Variants in DENND1A observed in about 807,000 individuals in gnomAD.
The protein encoded by DENND1A is DENN domain-containing protein 1A.
In DENND1A, 51 loss-of-function variants were observed where a neutral mutation model predicts 113.7. That is an observed-to-expected ratio of 0.45 (90% CI 0.36 to 0.57). DENND1A has a LOEUF of 0.57. DENND1A is among the 20% of genes least tolerant of loss of function. The pLI is 0.00. For missense variants in DENND1A, 1,258 were observed against 1,395.9 expected, an observed-to-expected ratio of 0.90 and a Z score of 1.57; for synonymous variants, 565 against 570.8, an observed-to-expected ratio of 0.99 and a Z score of 0.14.
chr9:123,393,752 A>G (rs2042972830), intron 21 of DENND1A, among the ~76,000 whole-genome samples: 1 of 152,210 alleles, frequency 6.6e-6, no homozygotes, highest in South Asian at 2.1e-4. Flanking sequence ...GCAGGTGAAT[A>G]TCTACTTAAA....
intron 13 of DENND1A, among the ~76,000 whole-genome samples, chr9:123,503,683 T>C (rs2134301706): frequency 6.6e-6 from 1 of 152,356 alleles, no homozygotes; most frequent in Non-Finnish European, 1.5e-5. Context: ...TTTCTGATAC[T>C]ATGACATCCT....
chr9:123,516,832 T>A (rs184897307), intron 13 of DENND1A, among the ~76,000 whole-genome samples: 1 of 127,992 alleles, frequency 7.8e-6, no homozygotes, highest in African/African-American at 3.2e-5. Flanking sequence ...TGCAGTGAGT[T>A]GAGATCACAC....
chr9:123,388,911 C>G (rs1214526618), intron 21 of DENND1A, among the ~76,000 whole-genome samples: 1 of 152,206 alleles, frequency 6.6e-6, no homozygotes, highest in African/African-American at 2.4e-5. Flanking sequence ...CACCCCTGCC[C>G]CATTCTGTGG....
chr9:123,583,661 C>T (rs1002556346), intron 11 of DENND1A, among the ~76,000 whole-genome samples: 4 of 152,212 alleles, frequency 2.6e-5, no homozygotes, highest in Non-Finnish European at 4.4e-5. Flanking sequence ...TATCCCCATT[C>T]AATCCAGCCC....
At chr9:123,461,010 C>T (rs1028513590) in intron 13 of DENND1A, among the ~76,000 whole-genome samples, 16 of 152,216 alleles carry the variant, frequency 1.1e-4, no homozygotes, top group Non-Finnish European at 2.9e-5. Context: ...AACCAGCAAA[C>T]GCACCCTCCC....
intron 13 of DENND1A, among the ~76,000 whole-genome samples, chr9:123,509,099 G>T (rs919706881): frequency 6.6e-6 from 1 of 152,156 alleles, no homozygotes; most frequent in African/African-American, 2.4e-5. Flanking sequence ...TATACTAGGG[G>T]CACTGTCTTA....
At chr9:123,783,833 T>C (rs909167308) in intron 3 of DENND1A, among the ~76,000 whole-genome samples, 1 of 152,228 alleles carries the variant, frequency 6.6e-6, no homozygotes, top group Non-Finnish European at 1.5e-5. Flanking sequence ...CAAAGGGGTC[T>C]GTAACATTGG....
At chr9:123,841,731 G>A (rs1242443873) in intron 2 of DENND1A, among the ~76,000 whole-genome samples, 4 of 152,178 alleles carry the variant, frequency 2.6e-5, no homozygotes, top group Non-Finnish European at 5.9e-5. Context: ...AGGTGAGAAA[G>A]AGGTTTAGGA....
At chr9:123,533,196 T>C (rs1310573177) in intron 13 of DENND1A, among the ~76,000 whole-genome samples, 1 of 152,232 alleles carries the variant, frequency 6.6e-6, no homozygotes, top group African/African-American at 2.4e-5. Flanking sequence ...ACTAGCCACG[T>C]GGTCAGAGAG....
chr9:123,793,394 A>G (rs1321776434), intron 2 of DENND1A, among the ~76,000 whole-genome samples: 2 of 152,224 alleles, frequency 1.3e-5, no homozygotes, highest in Admixed American at 1.3e-4. Flanking sequence ...AGAAGTGAAC[A>G]AATTAAAAGC....
At chr9:123,624,302 A>G (rs547312087) in intron 10 of DENND1A, among the ~76,000 whole-genome samples, 1 of 152,322 alleles carries the variant, frequency 6.6e-6, no homozygotes, top group Non-Finnish European at 1.5e-5. Flanking sequence ...ATTAAACTCA[A>G]TGGTGGTGAA....
At chr9:123,855,909 T>C (rs2133212871) in intron 2 of DENND1A, among the ~76,000 whole-genome samples, 1 of 152,122 alleles carries the variant, frequency 6.6e-6, no homozygotes, top group South Asian at 2.1e-4. Context: ...TGGTGGCACA[T>C]GCCTGTAATC....
chr9:123,457,521 G>A (rs1239654376), intron 14 of DENND1A, 86 bp from the exon 15 acceptor site: 1 of 1,120,514 alleles, frequency 8.9e-7, no homozygotes, highest in East Asian at 2.4e-5. Context: ...CTGTATCCAA[G>A]GTAGGAGTTT....
chr9:123,385,734 G>C (rs2042531461), intron 22 of DENND1A, among the ~76,000 whole-genome samples: 1 of 152,210 alleles, frequency 6.6e-6, no homozygotes, highest in African/African-American at 2.4e-5. Flanking sequence ...GAGGAATGAA[G>C]CTCAGAGATG....
Position 123,882,322 on chromosome 9 carries a change from C to CAAAA in DENND1A, c.18-3305_18-3302dup, listed in dbSNP as rs59820553. On this transcript the variant is annotated intron_variant, in intron 1 of 23. Coordinates refer to ENST00000394215, the MANE Select transcript of DENND1A (RefSeq NM_001352964.2). Reference sequence around the variant, plus strand: ...TGAGCAACATAGCAAAACCTTGTTTCAAAAAAAAAAAAAAAAAATCCCATT... The same window carrying CAAAA: ...TGAGCAACATAGCAAAACCTTGTTTCAAAAAAAAAAAAAAAAAAAAAATCCCATT... 2.0e-4 allele frequency among the ~76,000 whole-genome samples: 25 copies of CAAAA among 124,410 alleles called. 1 individual carries two copies. Among genetic ancestry groups the CAAAA allele is most frequent in the African/African-American group, 6.6e-4 (24 of 36,368 alleles). The allele number at this position is 124,410 out of a possible 152,430, so 81.6% of individuals were successfully genotyped here. A position where few individuals can be genotyped will look rare whatever the true frequency, so the allele number is the denominator to read the frequency against.
At chr9:123,575,482 T>TA (rs1313671674) in intron 12 of DENND1A, among the ~76,000 whole-genome samples, 5 of 152,214 alleles carry the variant, frequency 3.3e-5, no homozygotes, top group Non-Finnish European at 7.4e-5. Flanking sequence ...TCTGCATGAT[T>TA]AGAGTGGATT....
intron 11 of DENND1A, among the ~76,000 whole-genome samples, chr9:123,585,525 A>T (rs2059122288): frequency 1.3e-5 from 2 of 152,238 alleles, no homozygotes. Flanking sequence ...CATTTTACAC[A>T]TGAGAATGCT....
chr9:123,904,857 C>G (rs1045395410), intron 1 of DENND1A, among the ~76,000 whole-genome samples: 1 of 152,046 alleles, frequency 6.6e-6, no homozygotes, highest in Admixed American at 6.6e-5. Flanking sequence ...ATACAGAGAA[C>G]GCCACACAGA....
At chr9:123,574,641 A>C (rs555139203) in intron 12 of DENND1A, among the ~76,000 whole-genome samples, 12 of 152,300 alleles carry the variant, frequency 7.9e-5, no homozygotes, top group African/African-American at 2.9e-4. Flanking sequence ...TGTTAAAGGG[A>C]GAGAATGCAG....
Sources: gnomAD v4.1 joint callset for allele counts (sites outside exome capture counted in the v4.1 genomes callset) on GRCh38, gnomAD v4.1.1 for gene constraint, MANE v1.5 for transcripts, NCBI Gene and HGNC (gene_info 2026-07-23, HGNC 2026-07-21) for gene names.